IKBKE: variants seen among roughly 807,000 people sequenced by gnomAD.
IKBKE encodes inhibitor of nuclear factor kappa B kinase subunit epsilon.
IKBKE carries 45 observed loss-of-function variants against 92.1 expected under a neutral mutation model. The observed-to-expected ratio is 0.49, with a 90% CI of 0.38 to 0.63. The LOEUF is 0.63. IKBKE is among the 20% of genes least tolerant of loss of function. The pLI is 0.00. For missense variants in IKBKE, 700 were observed against 932.8 expected, an observed-to-expected ratio of 0.75 and a Z score of 3.25; for synonymous variants, 374 against 380.3, an observed-to-expected ratio of 0.98 and a Z score of 0.19.
intron 13 of IKBKE, among the ~76,000 whole-genome samples, chr1:206,481,168 G>A (rs1259804493): frequency 2.0e-5 from 3 of 152,216 alleles, no homozygotes; most frequent in Non-Finnish European, 2.9e-5. Context: ...GCCAGAGCAC[G>A]ATTGAGAAGT....
intron 16 of IKBKE, among the ~76,000 whole-genome samples, chr1:206,488,479 C>T (rs41299247): frequency 0.082 from 12,449 of 152,138 alleles, 1,198 homozygotes; most frequent in East Asian, 0.45. Flanking sequence ...TCCATTAATC[C>T]TCACAAGGAT....
intron 16 of IKBKE, 58 bp downstream of exon 16, chr1:206,488,048 T>G: frequency 1.5e-6 from 2 of 1,332,664 alleles, no homozygotes; most frequent in Non-Finnish European, 2.1e-6. Context: ...TCTTTCGCCT[T>G]TCTTCCTTTT....
At position 206,476,335 on chromosome 1, in the gene IKBKE, C is replaced by A. The variant is rs1553385332; in HGVS notation, c.513C>A (p.Val171=). 3 of 1,613,522 alleles carry A rather than the reference C, an allele frequency of 1.9e-6. No individual in the cohort carries two copies. The Admixed American group carries it at 5.0e-5, about 27-fold the overall frequency. Reference sequence around the variant, plus strand: ...AGCTGGATGATGATGAGAAGTTCGTCTCGGTCTATGGGACTGAGGAGTACC... The same window carrying A: ...AGCTGGATGATGATGAGAAGTTCGTATCGGTCTATGGGACTGAGGAGTACC... ...ARELDDDEKF[V]SVYGTEEYLH... is the part of the protein sequence containing the mutation. Residue 171 remains valine (V), a synonymous_variant, in exon 6 of 22, where the codon GTC becomes GTA. Transcript: ENST00000581977. This position sits in a 1 kb window ranked among gnomAD's most constrained non-coding sequence, Gnocchi z 5.1.
At chr1:206,486,194 C>T (rs1300356937) in intron 15 of IKBKE, among the ~76,000 whole-genome samples, 1 of 152,278 alleles carries the variant, frequency 6.6e-6, no homozygotes, top group Non-Finnish European at 1.5e-5. Context: ...GGAGTTGATG[C>T]CCTGCTCGGG....
rs1665630752 is a variant in IKBKE, at chr1:206,485,946, T to C, written c.1616+640T>C. 6.6e-6 allele frequency among the ~76,000 whole-genome samples: 1 copy of C among 152,224 alleles called. No individual in the cohort carries two copies. The highest frequency in any genetic ancestry group is 1.5e-5 in the Non-Finnish European group (1 of 68,036). On this transcript the variant is annotated intron_variant, in intron 15 of 21. Coordinates refer to ENST00000581977, the MANE Select transcript of IKBKE (RefSeq NM_014002.4). This position sits in a 1 kb window ranked among gnomAD's most constrained non-coding sequence, Gnocchi z 5.0. ...CCGCTTCTGACCAGGGGATGGGTGG[T>C]ACCCAGCGCGGACCTCCTCCCCATT...
chr1:206,473,337 C>A (rs781857771), intron 3 of IKBKE, 23 bp downstream of exon 3: 4 of 1,556,262 alleles, frequency 2.6e-6, no homozygotes, highest in Non-Finnish European at 3.5e-6. Context: ...CCTGGCCAGG[C>A]CCTGTCCAGC....
intron 7 of IKBKE, 111 bp from the exon 8 acceptor site, chr1:206,477,638 T>G (rs1665139714): frequency 3.1e-6 from 2 of 648,100 alleles, no homozygotes; most frequent in Non-Finnish European, 5.5e-6. Context: ...CAGGCTACTT[T>G]GGGGTAGCTG....
At chr1:206,472,971 C>A in intron 2 of IKBKE, 1 of 484,012 alleles carries the variant, frequency 2.1e-6, no homozygotes, top group Non-Finnish European at 3.7e-6. Flanking sequence ...CAGGTGCCGG[C>A]TGTGGGCTGA....
At chr1:206,492,277 G>A (rs975224676) in intron 18 of IKBKE, 8 of 371,580 alleles carry the variant, frequency 2.2e-5, no homozygotes, top group Non-Finnish European at 3.3e-5. Flanking sequence ...TTTGGGTTCC[G>A]CCTTCTCAGA....
At chr1:206,491,419 T>A in intron 17 of IKBKE, 1 of 464,434 alleles carries the variant, frequency 2.2e-6, no homozygotes, top group Non-Finnish European at 4.0e-6. Context: ...ACCCCCTGTG[T>A]GTCTCCCACG....
rs782017072 is a variant in IKBKE at position 206,478,474 on chromosome 1, G to A, written c.992+135G>A. ...ACGCTTCCAGGTCCAAACGTAGTTG[G>A]GAAAAGACTAGTTCTACAAAGTTAA... On this transcript the variant is annotated intron_variant, in intron 9 of 21. Coordinates refer to ENST00000581977, the MANE Select transcript of IKBKE (RefSeq NM_014002.4). This position sits in a 1 kb window ranked among gnomAD's most constrained non-coding sequence, Gnocchi z 4.8. 1.9e-5 allele frequency: 17 copies of A among 888,102 alleles called. No individual in the cohort carries two copies. The highest frequency in any genetic ancestry group is 2.2e-5 in the Admixed American group (1 of 46,450). 55.0% of individuals were successfully genotyped at this position (888,102 alleles called of 1,614,324 possible).
intron 16 of IKBKE, among the ~76,000 whole-genome samples, chr1:206,489,369 G>GTGTATA (rs1452670242): frequency 3.5e-4 from 42 of 119,200 alleles, no homozygotes; most frequent in South Asian, 2.9e-3. Flanking sequence ...GTGTGTGTGT[G>GTGTATA]TATATATATA....
At chr1:206,479,733 G>A (rs1553386456) in intron 10 of IKBKE, 137 bp from the exon 11 acceptor site, 2 of 926,230 alleles carry the variant, frequency 2.2e-6, no homozygotes, top group Admixed American at 2.1e-5. Flanking sequence ...GGCTGGCAAG[G>A]TGGGAGGCTC....
intron 2 of IKBKE, among the ~76,000 whole-genome samples, chr1:206,472,449 A>T (rs1443925948): frequency 6.6e-6 from 1 of 152,124 alleles, no homozygotes; most frequent in Admixed American, 6.6e-5. Flanking sequence ...GAGGACAAAG[A>T]TGGGAAACAG....
chr1:206,480,490 A>G lies in IKBKE; in HGVS notation c.1384A>G (p.Arg462Gly). ...ATCRRTLEVA[R>G]TSLLYLSSSL... ...ATGCAGACGGACTCTGGAAGTGGCA[A>G]GGACATCCCTCCTCTACCTCAGCAG... The change falls in exon 13 of 22, where the codon AGG becomes GGG. Residue 462 changes from arginine (R) to glycine (G), a missense_variant. By Grantham distance (125) the Arg-to-Gly change is moderately radical (BLOSUM62 -2). Transcript: ENST00000581977. 2 of 1,613,840 alleles carry G rather than the reference A, an allele frequency of 1.2e-6. No homozygotes were observed. The highest frequency in any genetic ancestry group is 8.5e-7 in the Non-Finnish European group (1 of 1,179,876).
Position 206,478,110 on chromosome 1 carries a change from G to C in IKBKE, c.813-50G>C, listed in dbSNP as rs782802051. On this transcript the variant is annotated intron_variant, in intron 8 of 21. Coordinates refer to ENST00000581977, the MANE Select transcript of IKBKE (RefSeq NM_014002.4). The surrounding 1 kb of genome is among the most constrained non-coding windows in gnomAD (Gnocchi z 4.8). ...ACGCTCCTATTGCCTGCTTAAGGAG[G>C]ATAGGTCTGGGCCCCCACCCCTGAC... is the stretch of plus-strand genomic sequence containing the variant. 2.2e-5 allele frequency: 34 copies of C among 1,530,064 alleles called. No homozygotes were observed. The highest frequency in any genetic ancestry group is 2.5e-5 in the Non-Finnish European group (28 of 1,112,802). 94.8% of individuals were successfully genotyped at this position (1,530,064 alleles called of 1,614,324 possible). A position where few individuals can be genotyped will look rare whatever the true frequency, so the allele number is the denominator to read the frequency against.
chr1:206,491,877 T>C, intron 18 of IKBKE, 128 bp downstream of exon 18: 1 of 658,826 alleles, frequency 1.5e-6, no homozygotes. Context: ...AGCAGAGGAG[T>C]GGTTTTCTGT....
intron 13 of IKBKE, among the ~76,000 whole-genome samples, chr1:206,481,518 C>T (rs1553387026): frequency 6.6e-6 from 1 of 152,188 alleles, no homozygotes; most frequent in Non-Finnish European, 1.5e-5. Flanking sequence ...GACTGAGCCC[C>T]TCTCAAATGG....
At chr1:206,484,736 G>A (rs1297858749) in intron 13 of IKBKE, among the ~76,000 whole-genome samples, 7 of 152,148 alleles carry the variant, frequency 4.6e-5, no homozygotes, top group South Asian at 2.1e-4. Flanking sequence ...TCATGGGCCC[G>A]TGAATTTTCA....
Sources: allele counts gnomAD v4.1 joint callset (sites outside exome capture counted in the v4.1 genomes callset), GRCh38; gene constraint gnomAD v4.1.1; non-coding constraint Gnocchi (gnomAD v3.1); transcripts MANE v1.5; gene names NCBI Gene and HGNC (gene_info 2026-07-23, HGNC 2026-07-21).